TUT1: variants seen among roughly 807,000 people sequenced by gnomAD.
The protein encoded by TUT1 is terminal uridylyl transferase 1, U6 snRNA-specific, also known as speckle targeted PIP5K1A-regulated poly(A) polymerase.
In TUT1, 26 loss-of-function variants were observed where a neutral mutation model predicts 48.8. That is an observed-to-expected ratio of 0.53 (90% CI 0.39 to 0.74). The LOEUF is 0.74. Among genes scored for constraint, TUT1 ranks in the 30% least tolerant of loss-of-function variants. The pLI, the probability that TUT1 is intolerant of heterozygous loss-of-function variation, is 0.00. For missense variants in TUT1, 1,065 were observed against 1,114.8 expected, an observed-to-expected ratio of 0.96 and a Z score of 0.64; for synonymous variants, 470 against 460.8, an observed-to-expected ratio of 1.02 and a Z score of -0.26.
chr11:62,575,195 T>G lies in TUT1; in HGVS notation c.2524A>C (p.Met842Leu). 1 of 1,612,254 alleles carries G rather than the reference T, an allele frequency of 6.2e-7. No homozygotes were observed. The highest frequency in any genetic ancestry group is 8.5e-7 in the Non-Finnish European group (1 of 1,178,424). The part of the protein sequence containing the change: ...FVASVSPADR[M>L]LTVTPLQDPQ... ...TCCTGGAGCGGGGTCACAGTGAGCA[T>G]TCGGTCAGCCGGGGAGACAGACGCC... The change falls in exon 9 of 9, where the codon ATG (methionine) becomes CTG (leucine). Residue 842 changes from methionine (M) to leucine (L), a missense_variant. Transcript: ENST00000476907.
Position 62,575,545 on chromosome 11 carries a change from C to T in TUT1, c.2174G>A (p.Gly725Glu). The T allele has an allele frequency of 6.2e-7, 1 of 1,613,954 alleles. No individual in the cohort carries two copies. The change falls in exon 9 of 9, where the codon GGA becomes GAA. Residue 725 changes from glycine (G) to glutamate (E), a missense_variant. Physicochemically the swap from Gly to Glu is moderately conservative, Grantham distance 98 (BLOSUM62 -2). Transcript: ENST00000476907. ...PLTTGKHGAPGEEGQPSHAAL... is the reference protein window; with the variant it reads ...PLTTGKHGAPEEEGQPSHAAL... ...TGCGTGGCTGGGCTGCCCCTCTTCTCCAGGGGCTCCATGCTTTCCAGTGGT... is the reference window on the plus strand; with the variant it reads ...TGCGTGGCTGGGCTGCCCCTCTTCTTCAGGGGCTCCATGCTTTCCAGTGGT...
At chr11:62,586,923 T>C (rs1329028333) in intron 2 of TUT1, among the ~76,000 whole-genome samples, 59 of 149,648 alleles carry the variant, frequency 3.9e-4, no homozygotes, top group Non-Finnish European at 7.4e-5. Flanking sequence ...CAGGCTGGTC[T>C]CGAACTCCTG....
chr11:62,578,833 G>A lies in TUT1; in HGVS notation c.888C>T (p.Ser296=), dbSNP rs376134412. ...APQTPDSALA[S]ETLASPQSLP... ...GAGACTGGGGAGAAGCAAGGGTCTC[G>A]GAGGCCAAGGCAGAGTCCGGAGTTT... is the stretch of plus-strand genomic sequence containing the variant. The change falls in exon 5 of 9, where the codon TCC becomes TCT. Residue 296 remains serine, a synonymous_variant. Coordinates refer to ENST00000476907, the MANE Select transcript of TUT1 (RefSeq NM_022830.3). 1.9e-5 allele frequency: 30 copies of A among 1,613,986 alleles called. No individual in the cohort carries two copies. Among genetic ancestry groups the A allele is most frequent in the African/African-American group, 6.7e-5 (5 of 74,904 alleles).
At chr11:62,586,786 C>T (rs944018923) in intron 2 of TUT1, among the ~76,000 whole-genome samples, 3 of 150,210 alleles carry the variant, frequency 2.0e-5, no homozygotes, top group African/African-American at 4.9e-5. Flanking sequence ...TGTGGTGGCA[C>T]GCGCCTGCAG....
Position 62,581,704 on chromosome 11 carries a change from G to T in TUT1, c.274-3C>A, listed in dbSNP as rs1941830002. 6.9e-7 allele frequency: 1 copy of T among 1,440,484 alleles called. No homozygotes were observed. The highest frequency in any genetic ancestry group is 9.1e-7 in the Non-Finnish European group (1 of 1,093,726). The allele number at this position is 1,440,484 out of a possible 1,614,324, so 89.2% of individuals were successfully genotyped here. A position where few individuals can be genotyped will look rare whatever the true frequency, so the allele number is the denominator to read the frequency against. The stretch of plus-strand genomic sequence containing the variant: ...ATCTCCACAATGGCAAACACTCCCT[G>T]GTAAACAACAGGGGCAGAGATGATG... On this transcript the variant is annotated splice_polypyrimidine_tract_variant and splice_region_variant and intron_variant, in intron 2 of 8. Transcript: ENST00000476907.
Position 62,575,071 on chromosome 11 carries a change from A to C in TUT1, c.*23T>G, listed in dbSNP as rs750997568. On this transcript the variant is annotated 3_prime_UTR_variant, in exon 9 of 9. Transcript: ENST00000476907. ...ACTGTATTAATAAACTAGCAGCTTT[A>C]TTGCCCTTCAGGGGCCATGTCTTCA... 6.5e-7 allele frequency: 1 copy of C among 1,548,346 alleles called. No individual in the cohort carries two copies. Among genetic ancestry groups the C allele is most frequent in the Non-Finnish European group, 8.7e-7 (1 of 1,148,248 alleles).
chr11:62,588,086 GCTCTGTGAGAGCAGGGACCAT>G (rs1941948934), intron 2 of TUT1, among the ~76,000 whole-genome samples: 1 of 152,168 alleles, frequency 6.6e-6, no homozygotes, highest in African/African-American at 2.4e-5. Flanking sequence ...TAGACTATAG[GCTCTGTGAGAGCAGGGACCAT>G]ATCTACCCCA....
rs776261664 is a variant in TUT1, at chr11:62,589,012, C to T, written c.273+19G>A. ...CCCAGCACTGATTCATTCTTTAACCCGAGAGCCATTCACTTTACCTTGTCC... is the reference window on the plus strand; with the variant it reads ...CCCAGCACTGATTCATTCTTTAACCTGAGAGCCATTCACTTTACCTTGTCC... On this transcript the variant is annotated intron_variant, in intron 2 of 8. Transcript: ENST00000476907. 1.6e-5 allele frequency: 26 copies of T among 1,606,906 alleles called. No homozygotes were observed. Among genetic ancestry groups the T allele is most frequent in the East Asian group, 4.5e-5 (2 of 44,692 alleles).
chr11:62,590,199 C>T (rs1173147131), intron 1 of TUT1, among the ~76,000 whole-genome samples: 2 of 152,194 alleles, frequency 1.3e-5, no homozygotes, highest in African/African-American at 2.4e-5. Context: ...TGATTCCAGA[C>T]TTCAAAAGTA....
intron 5 of TUT1, 69 bp from the exon 6 acceptor site, chr11:62,577,360 T>C: frequency 8.0e-7 from 1 of 1,257,414 alleles, no homozygotes; most frequent in South Asian, 1.3e-5. Context: ...CAGCTTTCAT[T>C]CCAGACTTGC....
At chr11:62,578,072 A>C (rs1252620401) in intron 5 of TUT1, among the ~76,000 whole-genome samples, 2 of 146,618 alleles carry the variant, frequency 1.4e-5, no homozygotes, top group African/African-American at 2.5e-5. Context: ...ACAAAAAAAA[A>C]AAAAAAAAAA....
intron 2 of TUT1, among the ~76,000 whole-genome samples, chr11:62,585,971 G>A (rs987233067): frequency 4.6e-5 from 7 of 152,164 alleles, no homozygotes; most frequent in Admixed American, 1.3e-4. Flanking sequence ...GCGCGGTGGC[G>A]CATGCCTGTA....
chr11:62,577,024 A>C lies in TUT1; in HGVS notation c.1271-7T>G. 1.2e-6 allele frequency: 2 copies of C among 1,613,038 alleles called. No homozygotes were observed. The highest frequency in any genetic ancestry group is 1.7e-6 in the Non-Finnish European group (2 of 1,179,114). On this transcript the variant is annotated splice_region_variant and splice_polypyrimidine_tract_variant and intron_variant, in intron 6 of 8. Transcript: ENST00000476907. ...CTGAGAAGGGGGCCACTCCCTGGGT[A>C]AATAAGCAATAATTCCGGTTAGATC...
intron 2 of TUT1, among the ~76,000 whole-genome samples, chr11:62,584,504 C>A (rs1010061065): frequency 6.7e-6 from 1 of 149,242 alleles, no homozygotes; most frequent in African/African-American, 2.5e-5. Flanking sequence ...TGCAGTGGCA[C>A]GATCTTGGCT....
Position 62,575,535 on chromosome 11 carries a change from C to T in TUT1, c.2184G>A (p.Gly728=). 1 of 1,613,778 alleles carries T rather than the reference C, an allele frequency of 6.2e-7. No homozygotes were observed. ...TGKHGAPGEE[G]QPSHAALAER... ...CTGCCAGGGCTGCGTGGCTGGGCTG[C>T]CCCTCTTCTCCAGGGGCTCCATGCT... is the stretch of plus-strand genomic sequence containing the variant. The change falls in exon 9 of 9, where the codon GGG becomes GGA. Residue 728 remains glycine, a synonymous_variant. Transcript: ENST00000476907.
chr11:62,576,405 C>G, intron 8 of TUT1, 161 bp from the exon 9 acceptor site: 1 of 937,274 alleles, frequency 1.1e-6, no homozygotes, highest in South Asian at 1.8e-5. Context: ...AACAAGAGGT[C>G]AAACCTCTCT....
chr11:62,590,938 A>G (rs563965237), intron 1 of TUT1, among the ~76,000 whole-genome samples: 4 of 152,132 alleles, frequency 2.6e-5, no homozygotes, highest in Non-Finnish European at 5.9e-5. Flanking sequence ...CTAGTCATTC[A>G]TGCCACACCT....
intron 7 of TUT1, 56 bp from the exon 8 acceptor site, chr11:62,576,805 G>A: frequency 6.3e-7 from 1 of 1,599,576 alleles, no homozygotes. Context: ...TGAGGGTGGG[G>A]GTAGAGAGAT....
Position 62,575,946 on chromosome 11 carries a change from C to T in TUT1, c.1773G>A (p.Leu591=), listed in dbSNP as rs1941718820. ...GGGAGCTGGGCTGCAGAAGAGGGAG[C>T]AGCCCCCAGTCCCGACCCCGGGAGG... The part of the protein sequence containing the change: ...RRSSRGRDWG[L]LPLLQPSSPS... Residue 591 remains leucine, a synonymous_variant, in exon 9 of 9, where the codon CTG becomes CTA. Coordinates refer to ENST00000476907, the MANE Select transcript of TUT1 (RefSeq NM_022830.3). 1.9e-6 allele frequency: 3 copies of T among 1,614,026 alleles called. No individual in the cohort carries two copies. In the South Asian group the frequency reaches 3.3e-5, roughly 18 times the overall value.
Sources: allele counts gnomAD v4.1 joint callset (sites outside exome capture counted in the v4.1 genomes callset), GRCh38; gene constraint gnomAD v4.1.1; transcripts MANE v1.5; gene names NCBI Gene and HGNC (gene_info 2026-07-23, HGNC 2026-07-21).